LIN28B: variants seen among roughly 807,000 people sequenced by gnomAD.
The protein encoded by LIN28B is lin-28 RNA binding posttranscriptional regulator B.
Under a neutral mutation model 21.9 loss-of-function variants are expected in LIN28B, and 5 were observed. The ratio of observed to expected loss-of-function variants is 0.23; its 90% confidence interval spans 0.12 to 0.48. The LOEUF (loss-of-function observed/expected upper bound fraction) is 0.48, where lower values mean the gene tolerates loss of function less well. Among genes scored for constraint, LIN28B ranks in the 20% least tolerant of loss-of-function variants. The probability of loss-of-function intolerance (pLI) is 0.98; values close to 1 mark genes in which losing one functional copy is unlikely to be tolerated. For missense variants in LIN28B, 245 were observed against 310.5 expected (o/e 0.79, Z 1.58); for synonymous variants, 109 against 111.3 (o/e 0.98, Z 0.13).
intron 3 of LIN28B, among the ~76,000 whole-genome samples, chr6:105,068,737 T>A (rs1438968880): frequency 6.6e-6 from 1 of 152,220 alleles, no homozygotes; most frequent in East Asian, 1.9e-4. Flanking sequence ...TTAAATACTA[T>A]CTTTTATGGA....
intron 2 of LIN28B, among the ~76,000 whole-genome samples, chr6:104,974,305 A>T (rs545609283): frequency 6.6e-6 from 1 of 152,026 alleles, no homozygotes; most frequent in Non-Finnish European, 1.5e-5. Flanking sequence ...CCTGGCCAAT[A>T]TGGTGAAACC....
At chr6:105,013,612 C>T (rs1194096545) in intron 2 of LIN28B, among the ~76,000 whole-genome samples, 1 of 151,656 alleles carries the variant, frequency 6.6e-6, no homozygotes, top group African/African-American at 2.4e-5. Context: ...TGCCTGTTGT[C>T]CCAGCTACTC....
At position 105,067,464 on chromosome 6, in the gene LIN28B, T is replaced by C. The variant is rs113867029; in HGVS notation, c.384-10950T>C. Among the ~76,000 whole-genome samples, 190 of 152,318 alleles carry C rather than the reference T, an allele frequency of 1.2e-3. 2 individuals carry two copies. The highest frequency in any genetic ancestry group is 4.4e-3 in the African/African-American group (185 of 41,578). On this transcript the variant is annotated intron_variant, in intron 3 of 3. Coordinates refer to ENST00000345080, the MANE Select transcript of LIN28B (RefSeq NM_001004317.4). ...GGTTCTGAAAGCAGCACTGGCCGAGTACCCACTGCATGTGAGACTGGGTCC... is the reference window on the plus strand; with the variant it reads ...GGTTCTGAAAGCAGCACTGGCCGAGCACCCACTGCATGTGAGACTGGGTCC...
chr6:104,996,867 C>G (rs951663470), intron 2 of LIN28B, among the ~76,000 whole-genome samples: 8 of 152,182 alleles, frequency 5.3e-5, no homozygotes, highest in Non-Finnish European at 1.2e-4. Context: ...CCCGTGGTCC[C>G]AGCTACTTGG....
intron 2 of LIN28B, among the ~76,000 whole-genome samples, chr6:104,947,919 G>C (rs973962149): frequency 5.3e-5 from 8 of 151,954 alleles, no homozygotes; most frequent in African/African-American, 1.7e-4. Context: ...TCTAATCACA[G>C]AGCATAGAGT....
chr6:104,977,796 G>C (rs916608316), intron 2 of LIN28B, among the ~76,000 whole-genome samples: 2 of 152,040 alleles, frequency 1.3e-5, no homozygotes, highest in Non-Finnish European at 1.5e-5. Context: ...TTGAACTCCT[G>C]ACCTCATGAT....
chr6:104,947,605 A>G (rs1224743928), intron 2 of LIN28B, among the ~76,000 whole-genome samples: 1 of 152,014 alleles, frequency 6.6e-6, no homozygotes, highest in African/African-American at 2.4e-5. Flanking sequence ...TTTATAAGTT[A>G]GGCACTCCTA....
intron 3 of LIN28B, among the ~76,000 whole-genome samples, chr6:105,055,080 T>G (rs1033077002): frequency 6.6e-6 from 1 of 152,162 alleles, no homozygotes; most frequent in African/African-American, 2.4e-5. Flanking sequence ...TTCCTTTATT[T>G]GGGCTTTAAG....
intron 3 of LIN28B, among the ~76,000 whole-genome samples, chr6:104,951,863 G>A (rs1367914884): frequency 6.6e-6 from 1 of 152,138 alleles, no homozygotes; most frequent in Non-Finnish European, 1.5e-5. Flanking sequence ...ACCAGAATTG[G>A]TAAATAGGAC....
intron 2 of LIN28B, among the ~76,000 whole-genome samples, chr6:105,005,948 C>T (rs1425016619): frequency 2.0e-5 from 3 of 152,156 alleles, no homozygotes; most frequent in Non-Finnish European, 4.4e-5. Flanking sequence ...ACTTCTGACT[C>T]ATTTCATAGA....
chr6:105,071,321 A>T (rs907994081), intron 3 of LIN28B, among the ~76,000 whole-genome samples: 1 of 152,146 alleles, frequency 6.6e-6, no homozygotes, highest in Admixed American at 6.5e-5. Flanking sequence ...AGATCTTTGC[A>T]TGTCAATACA....
intron 3 of LIN28B, among the ~76,000 whole-genome samples, chr6:105,074,410 A>G (rs1296258655): frequency 6.6e-6 from 1 of 152,010 alleles, no homozygotes; most frequent in African/African-American, 2.4e-5. Flanking sequence ...ATGTTAGCCA[A>G]GATGGTCTCG....
intron 2 of LIN28B, among the ~76,000 whole-genome samples, chr6:104,991,231 G>A (rs530093537): frequency 6.6e-6 from 1 of 151,380 alleles, no homozygotes; most frequent in Non-Finnish European, 1.5e-5. Flanking sequence ...GCCGGGCGGG[G>A]GCTGCCCCCT....
chr6:104,981,722 G>A, intron 2 of LIN28B, among the ~76,000 whole-genome samples: 1 of 152,152 alleles, frequency 6.6e-6, no homozygotes, highest in South Asian at 2.1e-4. Context: ...CAAAAAGGAA[G>A]AGAAAGCAAT....
intron 2 of LIN28B, among the ~76,000 whole-genome samples, chr6:105,006,982 G>A (rs983679937): frequency 1.3e-5 from 2 of 152,164 alleles, no homozygotes; most frequent in African/African-American, 2.4e-5. Context: ...ACAACTGTAA[G>A]GGCATTCTAC....
rs221612 is a variant in LIN28B, at chr6:105,049,143, C to T, written c.383+22661C>T. Among the ~76,000 whole-genome samples, 138 of 151,666 alleles carry T rather than the reference C, an allele frequency of 9.1e-4. 1 individual carries two copies. The highest frequency in any genetic ancestry group is 3.1e-3 in the African/African-American group (128 of 41,368). On this transcript the variant is annotated intron_variant, in intron 3 of 3. Transcript: ENST00000345080. ...TAGATCTTTCCTGCTTTCTCTTGTG[C>T]TATAAATTTCCCTCTACACACTGCT...
chr6:105,075,296 A>G (rs554147244), intron 3 of LIN28B, among the ~76,000 whole-genome samples: 4 of 152,342 alleles, frequency 2.6e-5, no homozygotes, highest in Non-Finnish European at 5.9e-5. Flanking sequence ...TGGAGGGTGA[A>G]CAAAGGGGAC....
At chr6:105,056,092 C>T (rs986193441) in intron 3 of LIN28B, among the ~76,000 whole-genome samples, 16 of 151,874 alleles carry the variant, frequency 1.1e-4, no homozygotes, top group Admixed American at 5.2e-4. Flanking sequence ...CACTATTCCT[C>T]ATTTGTTCAT....
intron 2 of LIN28B, among the ~76,000 whole-genome samples, chr6:104,946,613 G>T (rs542451306): frequency 9.9e-5 from 15 of 152,152 alleles, no homozygotes; most frequent in African/African-American, 3.6e-4. Flanking sequence ...TCAGTATTGT[G>T]CTTTGGGTTT....
Sources: allele counts gnomAD v4.1 joint callset (sites outside exome capture counted in the v4.1 genomes callset), GRCh38; gene constraint gnomAD v4.1.1; transcripts MANE v1.5; gene names NCBI Gene and HGNC (gene_info 2026-07-23, HGNC 2026-07-21).